Variants in TPD52L2 observed in about 807,000 individuals in gnomAD.
TPD52L2 encodes TPD52 like 2, also known as tumor protein D54.
A neutral mutation model predicts 24.7 loss-of-function variants in TPD52L2; 19 were observed. The ratio of observed to expected loss-of-function variants is 0.77; its 90% CI spans 0.54 to 1.13. The LOEUF is 1.13. Among genes scored for constraint, TPD52L2 ranks in the 50% most tolerant of loss-of-function variants. TPD52L2 has a pLI of 0.00. For synonymous variants in TPD52L2, 104 were observed against 100.2 expected, an observed-to-expected ratio of 1.04 and a Z score of -0.23; for missense variants, 236 against 250.4, an observed-to-expected ratio of 0.94 and a Z score of 0.39.
At position 63,875,864 on chromosome 20, in the gene TPD52L2, C is replaced by T. The variant is rs766929500; in HGVS notation, c.363C>T (p.Thr121=). Residue 121 remains threonine (T), a synonymous_variant, in exon 4 of 7, where the codon ACC becomes ACT. Coordinates refer to ENST00000346249, the MANE Select transcript of TPD52L2 (RefSeq NM_003288.4). ...EKLGEWNEKV[T]QSDLYKKTQE... The stretch of plus-strand genomic sequence containing the variant: ...TTGGAGAGTGGAATGAGAAAGTGAC[C>T]CAGTCAGACCTGTGAGTGCCTGTAT... 6.2e-7 allele frequency: 1 copy of T among 1,614,094 alleles called. No individual in the cohort carries two copies. Among genetic ancestry groups the T allele is most frequent in the Non-Finnish European group, 8.5e-7 (1 of 1,180,000 alleles).
intron 3 of TPD52L2, 31 bp downstream of exon 3, chr20:63,873,847 G>A (rs758101350): frequency 4.0e-5 from 59 of 1,465,856 alleles, no homozygotes; most frequent in Admixed American, 9.1e-5. Flanking sequence ...CACCCCTGGG[G>A]GCTGAAGAGA....
chr20:63,881,530 C>T (rs79604659), intron 4 of TPD52L2, among the ~76,000 whole-genome samples: 1,970 of 152,254 alleles, frequency 0.013, 12 homozygotes, highest in Non-Finnish European at 0.021. Context: ...GGGCCTTCTG[C>T]AGGGAGTGGT....
rs6122204 is a variant in TPD52L2, at chr20:63,877,401, C to T, written c.374+1526C>T. On this transcript the variant is annotated intron_variant, in intron 4 of 6. Transcript: ENST00000346249. The surrounding 1 kb of genome is among the most constrained non-coding windows in gnomAD (Gnocchi z 4.1). ...GTTTCGATCTCCTGACCTCGTGATC[C>T]GCCCATCTCGGCCTCCCAAAGTGCT... Among the ~76,000 whole-genome samples, 287 of 152,212 alleles carry T rather than the reference C, an allele frequency of 1.9e-3. 8 individuals are homozygous for T. The East Asian group carries it at 0.049, about 26-fold the overall frequency.
At chr20:63,873,584 G>A in intron 2 of TPD52L2, 84 bp from the exon 3 acceptor site, 1 of 1,469,514 alleles carries the variant, frequency 6.8e-7, no homozygotes, top group South Asian at 1.3e-5. Context: ...GAAAGTTCTT[G>A]TGTAACTCAT....
intron 3 of TPD52L2, 69 bp downstream of exon 3, chr20:63,873,885 G>A (rs1028995295): frequency 1.6e-5 from 23 of 1,404,466 alleles, no homozygotes; most frequent in East Asian, 2.8e-5. Flanking sequence ...CCCGGCATGT[G>A]GGGGGGCGTC....
chr20:63,882,353 T>C (rs2052931884), intron 4 of TPD52L2, among the ~76,000 whole-genome samples: 1 of 152,230 alleles, frequency 6.6e-6, no homozygotes, highest in South Asian at 2.1e-4. Context: ...ATGGGGCGTG[T>C]TCTCTGTAGT....
At position 63,877,814 on chromosome 20, in the gene TPD52L2, G is replaced by A. The variant is rs2146211391; in HGVS notation, c.374+1939G>A. Among the ~76,000 whole-genome samples, 1 of 152,392 alleles carries A rather than the reference G, an allele frequency of 6.6e-6. No individual in the cohort carries two copies. The highest frequency in any genetic ancestry group is 1.9e-4 in the East Asian group (1 of 5,188). On this transcript the variant is annotated intron_variant, in intron 4 of 6. Coordinates refer to ENST00000346249, the MANE Select transcript of TPD52L2 (RefSeq NM_003288.4). This position sits in a 1 kb window ranked among gnomAD's most constrained non-coding sequence, Gnocchi z 4.1. ...GCCATTCCCCTGAGTTCTGTGGCGAGAGCTGTCAACTGACGGTTCCAGAGT... is the reference window on the plus strand; with the variant it reads ...GCCATTCCCCTGAGTTCTGTGGCGAAAGCTGTCAACTGACGGTTCCAGAGT...
At chr20:63,869,508 C>T in intron 2 of TPD52L2, 67 bp downstream of exon 2, 3 of 1,593,392 alleles carry the variant, frequency 1.9e-6, no homozygotes, top group Non-Finnish European at 1.7e-6. Context: ...TAGTGAGAGG[C>T]CAGGGTACTG....
In TPD52L2 at chr20:63,873,667, G is replaced by A. The variant is rs771824613; in HGVS notation, c.166-1G>A. ...CATCATGTCAACTGCATGCTTTGCA[G>A]GTGGAAGAGGAAATTGTCACTCTGC... is the stretch of plus-strand genomic sequence containing the variant. On this transcript the variant is annotated splice_acceptor_variant, in intron 2 of 6. Coordinates refer to ENST00000346249, the MANE Select transcript of TPD52L2 (RefSeq NM_003288.4). LOFTEE classifies it high-confidence loss of function. The A allele has an allele frequency of 3.7e-6, 6 of 1,610,784 alleles. No homozygotes were observed. The highest frequency in any genetic ancestry group is 1.7e-5 in the Admixed American group (1 of 59,120).
intron 4 of TPD52L2, among the ~76,000 whole-genome samples, chr20:63,878,100 G>A (rs1234922666): frequency 6.6e-6 from 1 of 152,268 alleles, no homozygotes; most frequent in Non-Finnish European, 1.5e-5. Flanking sequence ...CAGGAGATGG[G>A]CTGTAGATGT....
chr20:63,873,218 G>A (rs1049258855), intron 2 of TPD52L2, among the ~76,000 whole-genome samples: 9 of 151,948 alleles, frequency 5.9e-5, no homozygotes, highest in Non-Finnish European at 1.2e-4. Context: ...GGCTGGGCGC[G>A]GTGGCTCACG....
At chr20:63,878,332 C>T (rs928907370) in intron 4 of TPD52L2, among the ~76,000 whole-genome samples, 2 of 152,216 alleles carry the variant, frequency 1.3e-5, no homozygotes, top group Admixed American at 6.5e-5. Flanking sequence ...CTGTGTTCTG[C>T]GAGTGGTGAA....
chr20:63,875,724 CCT>C, intron 3 of TPD52L2, 90 bp from the exon 4 acceptor site: 1 of 1,322,858 alleles, frequency 7.6e-7, no homozygotes, highest in Admixed American at 1.8e-5. Flanking sequence ...CCAGCTGGTC[CCT>C]CTCTGTCTTC....
At chr20:63,882,959 G>A (rs557821550) in intron 5 of TPD52L2, 139 bp downstream of exon 5, 434 of 661,756 alleles carry the variant, frequency 6.6e-4, no homozygotes, top group Non-Finnish European at 9.7e-4. Context: ...TCATGGCCCC[G>A]ACCAGTCTGT....
In TPD52L2 at chr20:63,869,150, G is replaced by T; in HGVS notation, c.20-146G>T. On this transcript the variant is annotated intron_variant, in intron 1 of 6. Coordinates refer to ENST00000346249, the MANE Select transcript of TPD52L2 (RefSeq NM_003288.4). ...GCTGCCCTCGTCTACTGCCCATGCT[G>T]TCCTCACAGACCTTTCAGAGAAGAG... 3.4e-6 allele frequency: 3 copies of T among 887,604 alleles called. No individual in the cohort carries two copies. The South Asian group carries it at 4.5e-5, about 13-fold the overall frequency. The allele number at this position is 887,604 out of a possible 1,614,324, so 55.0% of individuals were successfully genotyped here. A position where few individuals can be genotyped will look rare whatever the true frequency, so the allele number is the denominator to read the frequency against.
chr20:63,875,849 G>T lies in TPD52L2; in HGVS notation c.348G>T (p.Trp116Cys). The change falls in exon 4 of 7, where the codon TGG (tryptophan) becomes TGT (cysteine). Residue 116 changes from tryptophan to cysteine, a missense_variant. By Grantham distance (215) the Trp-to-Cys change is radical. Coordinates refer to ENST00000346249, the MANE Select transcript of TPD52L2 (RefSeq NM_003288.4). ...AAACTTCTGAGAAACTTGGAGAGTG[G>T]AATGAGAAAGTGACCCAGTCAGACC... ...YVKTSEKLGE[W>C]NEKVTQSDLY... 6.2e-7 allele frequency: 1 copy of T among 1,614,166 alleles called. No individual in the cohort carries two copies. The highest frequency in any genetic ancestry group is 8.5e-7 in the Non-Finnish European group (1 of 1,180,020).
chr20:63,886,173 A>AG, intron 5 of TPD52L2: 1 of 884,962 alleles, frequency 1.1e-6, no homozygotes, highest in Non-Finnish European at 1.9e-6. Flanking sequence ...CCAGGACAGC[A>AG]GTGCCAGCCA....
chr20:63,885,482 C>T (rs1235860775), intron 5 of TPD52L2, among the ~76,000 whole-genome samples: 1 of 152,222 alleles, frequency 6.6e-6, no homozygotes, highest in Non-Finnish European at 1.5e-5. Flanking sequence ...CGTCTGTGGG[C>T]ACGGATGGAG....
rs1249241405 is a variant in TPD52L2 at position 63,882,570 on chromosome 20, C to T, written c.375-149C>T. 8.0e-5 allele frequency: 54 copies of T among 671,990 alleles called. No homozygotes were observed. The East Asian group carries it at 1.4e-3, about 17-fold the overall frequency. The allele number at this position is 671,990 out of a possible 1,614,324, so 41.6% of individuals were successfully genotyped here. On this transcript the variant is annotated intron_variant, in intron 4 of 6. Transcript: ENST00000346249. ...GGGCCGAGGGGCTCTGGGCCTGCAC[C>T]CCCTCTGTAGACACCTGGCGAGTGT...
Sources: gnomAD v4.1 joint callset for allele counts (sites outside exome capture counted in the v4.1 genomes callset) on GRCh38, gnomAD v4.1.1 for gene constraint, Gnocchi (gnomAD v3.1) non-coding constraint, MANE v1.5 for transcripts, NCBI Gene and HGNC (gene_info 2026-07-23, HGNC 2026-07-21) for gene names.